The following YEATS4 variants were observed in gnomAD, a reference collection of about 807,000 sequenced individuals.
YEATS4 encodes YEATS domain containing 4.
Under a neutral mutation model 30.1 loss-of-function variants are expected in YEATS4, and 17 were observed. That is an observed-to-expected ratio of 0.56 (90% CI 0.39 to 0.85). The LOEUF is 0.85. YEATS4 is among the 40% of genes least tolerant of loss of function. The probability of loss-of-function intolerance (pLI) is 0.00; values close to 1 mark genes in which losing one functional copy is unlikely to be tolerated. For synonymous variants in YEATS4, 85 were observed against 87.5 expected (o/e 0.97, Z 0.16); for missense variants, 142 against 268.3 (o/e 0.53, Z 3.29).
At chr12:69,421,931 T>C in the YEATS4 span, among the ~76,000 whole-genome samples, 1 of 152,192 alleles carries the variant, frequency 6.6e-6, no homozygotes, top group South Asian at 2.1e-4. Context: ...CTCTATCTGG[T>C]ATTTGAGCTA....
At chr12:69,424,488 G>A in the YEATS4 span, among the ~76,000 whole-genome samples, 18 of 152,162 alleles carry the variant, frequency 1.2e-4, no homozygotes, top group East Asian at 1.2e-3. Context: ...TCTCCCAGAC[G>A]GAATTCATTT....
At chr12:69,414,781 A>G in the YEATS4 span, among the ~76,000 whole-genome samples, 64 of 152,152 alleles carry the variant, frequency 4.2e-4, no homozygotes, top group Non-Finnish European at 7.9e-4. Context: ...AAGTGCCTAG[A>G]CTTTGAAGCC....
chr12:69,423,983 G>T, the YEATS4 span, among the ~76,000 whole-genome samples: 1 of 152,130 alleles, frequency 6.6e-6, no homozygotes, highest in Non-Finnish European at 1.5e-5. Flanking sequence ...TTGTCCCCTT[G>T]CTTCCTTCTC....
chr12:69,415,345 C>T, the YEATS4 span, among the ~76,000 whole-genome samples: 5 of 152,112 alleles, frequency 3.3e-5, no homozygotes, highest in Admixed American at 6.5e-5. Context: ...GAGGCCGAGG[C>T]GGGCAGATCA....
chr12:69,365,923 C>T (rs756826957), intron 4 of YEATS4, 39 bp downstream of exon 4: 2 of 1,429,584 alleles, frequency 1.4e-6, no homozygotes, highest in Admixed American at 4.4e-5. Flanking sequence ...AAATAGATTT[C>T]TTAGTAAATG....
chr12:69,360,172 A>G (rs1166774271), intron 1 of YEATS4, 149 bp downstream of exon 1: 3 of 886,608 alleles, frequency 3.4e-6, no homozygotes, highest in African/African-American at 1.7e-5. Context: ...AGTCAGAGCC[A>G]TTGAGCGAAA....
At chr12:69,397,475 G>T in the YEATS4 span, among the ~76,000 whole-genome samples, 1 of 152,048 alleles carries the variant, frequency 6.6e-6, no homozygotes, top group Admixed American at 6.5e-5. Context: ...TTCCTGTGCT[G>T]TTCTCAAGAT....
the YEATS4 span, among the ~76,000 whole-genome samples, chr12:69,413,746 G>A: frequency 6.6e-6 from 1 of 151,914 alleles, no homozygotes; most frequent in Non-Finnish European, 1.5e-5. Flanking sequence ...CAGCTACTTG[G>A]GAGGCTGAGG....
At chr12:69,382,476 A>G (rs1666849776) in intron 6 of YEATS4, among the ~76,000 whole-genome samples, 1 of 151,852 alleles carries the variant, frequency 6.6e-6, no homozygotes. Flanking sequence ...TGTGTCCACC[A>G]CTACCACAGG....
chr12:69,410,143 A>G, the YEATS4 span, among the ~76,000 whole-genome samples: 1 of 152,216 alleles, frequency 6.6e-6, no homozygotes, highest in East Asian at 1.9e-4. Flanking sequence ...TTAGCATATA[A>G]TTCAATGGTT....
the YEATS4 span, among the ~76,000 whole-genome samples, chr12:69,424,374 C>T: frequency 6.0e-4 from 91 of 152,300 alleles, 1 homozygote; most frequent in African/African-American, 2.1e-3. Flanking sequence ...GGTTAATCTT[C>T]TGTGTGTCTC....
At chr12:69,421,044 G>C in the YEATS4 span, among the ~76,000 whole-genome samples, 1 of 152,076 alleles carries the variant, frequency 6.6e-6, no homozygotes, top group Non-Finnish European at 1.5e-5. Flanking sequence ...GTTTTGGGGG[G>C]ATGGGGTCTC....
the YEATS4 span, among the ~76,000 whole-genome samples, chr12:69,416,364 A>G: frequency 6.6e-6 from 1 of 152,254 alleles, no homozygotes; most frequent in Admixed American, 6.5e-5. Context: ...TATGCAATTT[A>G]CAGTCCTGCA....
chr12:69,359,961 C>G lies in YEATS4; in HGVS notation c.-12C>G. The G allele has an allele frequency of 5.6e-6, 9 of 1,612,314 alleles. No homozygotes were observed. The highest frequency in any genetic ancestry group is 7.6e-6 in the Non-Finnish European group (9 of 1,179,152). Reference sequence around the variant, plus strand: ...CTTTCCCTGGCGGCGGCGGCTTCTTCCGTGGGACAATATGTTCAAGAGAAT... The same window carrying G: ...CTTTCCCTGGCGGCGGCGGCTTCTTGCGTGGGACAATATGTTCAAGAGAAT... On this transcript the variant is annotated 5_prime_UTR_variant, in exon 1 of 7. Transcript: ENST00000247843.
At chr12:69,413,368 A>C in the YEATS4 span, among the ~76,000 whole-genome samples, 13 of 152,026 alleles carry the variant, frequency 8.6e-5, no homozygotes, top group East Asian at 3.9e-4. Flanking sequence ...AAAAAAAAAA[A>C]AAAAAACTAC....
chr12:69,360,009 G>A lies in YEATS4; in HGVS notation c.37G>A (p.Gly13Ser). Residue 13 changes from glycine (G) to serine (S), a missense_variant, in exon 1 of 7, where the codon GGC becomes AGC. Gly to Ser is a moderately conservative substitution (Grantham distance 56, BLOSUM62 0). Around this residue, in one of 3 missense-constraint regions of YEATS4, gnomAD observed 25 missense variants for 35.7 expected, o/e 0.70. Coordinates refer to ENST00000247843, the MANE Select transcript of YEATS4 (RefSeq NM_006530.4). ...AATGGCCGAATTTGGGCCTGACTCC[G>A]GCGGGAGAGTAAAGGTCAGTGCCCG... ...KRMAEFGPDSGGRVKGVTIVK... is the reference protein window; with the variant it reads ...KRMAEFGPDSSGRVKGVTIVK... 1 of 1,613,570 alleles carries A rather than the reference G, an allele frequency of 6.2e-7. No homozygotes were observed. Among genetic ancestry groups the A allele is most frequent in the Non-Finnish European group, 8.5e-7 (1 of 1,179,786 alleles).
the YEATS4 span, chr12:69,401,146 A>T: frequency 6.6e-6 from 1 of 151,856 alleles, no homozygotes; most frequent in Non-Finnish European, 1.5e-5. Flanking sequence ...GTGGGATCAT[A>T]CCTGTGAATA....
intron 6 of YEATS4, among the ~76,000 whole-genome samples, chr12:69,377,013 T>C (rs1350095080): frequency 1.3e-5 from 2 of 152,230 alleles, no homozygotes; most frequent in Non-Finnish European, 2.9e-5. Context: ...TGGCCACTAA[T>C]GATCCTTTGA....
intron 6 of YEATS4, among the ~76,000 whole-genome samples, chr12:69,388,058 T>TTTTTTTA (rs1868272780): frequency 3.5e-5 from 3 of 85,628 alleles, no homozygotes; most frequent in Admixed American, 1.1e-4. Context: ...ATTTTTTTTA[T>TTTTTTTA]TTTTATTTTT....
Sources: allele counts gnomAD v4.1 joint callset (sites outside exome capture counted in the v4.1 genomes callset), GRCh38; gene constraint gnomAD v4.1.1; regional missense constraint gnomAD v4.1.1; transcripts MANE v1.5; gene names NCBI Gene and HGNC (gene_info 2026-07-23, HGNC 2026-07-21).